The following CCT2 variants were observed in gnomAD, a reference collection of about 807,000 sequenced individuals.
CCT2 encodes the protein T-complex protein 1 subunit beta.
In CCT2, 18 loss-of-function variants were observed where a neutral mutation model predicts 61.8. That is an observed-to-expected ratio of 0.29 (90% CI 0.20 to 0.43). CCT2 has a LOEUF of 0.43. CCT2 is among the 20% of genes least tolerant of loss of function. CCT2 has a pLI of 1.00. For synonymous variants in CCT2, 248 were observed against 215.9 expected, an observed-to-expected ratio of 1.15 and a Z score of -1.30; for missense variants, 556 against 656.9, an observed-to-expected ratio of 0.85 and a Z score of 1.68.
intron 15 of CCT2, among the ~76,000 whole-genome samples, chr12:69,600,538 G>T (rs1882118730): frequency 1.3e-5 from 2 of 152,092 alleles, no homozygotes; most frequent in South Asian, 4.1e-4. Context: ...CAGCCTTCCA[G>T]ACCTACCAGA....
intron 10 of CCT2, among the ~76,000 whole-genome samples, chr12:69,595,881 A>G (rs116388425): frequency 6.6e-6 from 1 of 152,332 alleles, no homozygotes; most frequent in African/African-American, 2.4e-5. Context: ...TCAAAGGTGT[A>G]TGATGACATT....
At chr12:69,590,774 C>T (rs1881812769) in intron 7 of CCT2, among the ~76,000 whole-genome samples, 1 of 148,734 alleles carries the variant, frequency 6.7e-6, no homozygotes, top group Non-Finnish European at 1.5e-5. Flanking sequence ...TGGAGTGCAG[C>T]AGTATGATCT....
chr12:69,587,401 A>G (rs941243451), intron 3 of CCT2, 104 bp from the exon 4 acceptor site: 5 of 651,884 alleles, frequency 7.7e-6, no homozygotes, highest in Non-Finnish European at 1.3e-5. Context: ...CAAAATAGCT[A>G]TCCAGAGTGT....
chr12:69,599,890 T>G lies in CCT2; in HGVS notation c.1463T>G (p.Met488Arg). 6.2e-7 allele frequency: 1 copy of G among 1,613,630 alleles called. No individual in the cohort carries two copies. The highest frequency in any genetic ancestry group is 8.5e-7 in the Non-Finnish European group (1 of 1,179,694). ...ATGAGGGAAGGCACCATTGGAGATATGGCTATCCTGGGTATAACAGAAAGT... is the reference window on the plus strand; with the variant it reads ...ATGAGGGAAGGCACCATTGGAGATAGGGCTATCCTGGGTATAACAGAAAGT... ...LDMREGTIGD[M>R]AILGITESFQ... Residue 488 changes from methionine (M) to arginine (R), a missense_variant, in exon 15 of 16, where the codon ATG becomes AGG. Physicochemically the swap from Met to Arg is moderately conservative, Grantham distance 91. Transcript: ENST00000299300.
intron 6 of CCT2, among the ~76,000 whole-genome samples, chr12:69,588,853 C>T (rs755391147): frequency 1.3e-5 from 2 of 152,222 alleles, no homozygotes; most frequent in Non-Finnish European, 2.9e-5. Flanking sequence ...GGTCCGGGAC[C>T]ACTGTTTTAA....
chr12:69,598,250 T>G (rs913023904), intron 13 of CCT2, 72 bp from the exon 14 acceptor site: 1 of 1,180,340 alleles, frequency 8.5e-7, no homozygotes, highest in African/African-American at 1.5e-5. Flanking sequence ...TTTAAAAAGC[T>G]ATCCTAGTTA....
Position 69,593,067 on chromosome 12 carries a change from G to A in CCT2, c.842G>A (p.Arg281His), listed in dbSNP as rs1396967425. 1.1e-5 allele frequency: 17 copies of A among 1,613,118 alleles called. No individual in the cohort carries two copies. Among genetic ancestry groups the A allele is most frequent in the African/African-American group, 1.3e-5 (1 of 74,904 alleles). Reference sequence around the variant, plus strand: ...GAAAAAATGAAGGAGAAAGTTGAACGTATTCTTAAGCATGGAATAAATTGC... The same window carrying A: ...GAAAAAATGAAGGAGAAAGTTGAACATATTCTTAAGCATGGAATAAATTGC... The part of the protein sequence containing the change: ...EKEKMKEKVE[R>H]ILKHGINCFI... Residue 281 changes from arginine (R) to histidine (H), a missense_variant, in exon 9 of 16, where the codon CGT (arginine) becomes CAT (histidine). By Grantham distance (29) the Arg-to-His change is conservative. Around this residue, in one of 3 missense-constraint regions of CCT2, gnomAD observed 308 missense variants for 350.6 expected, o/e 0.88. Transcript: ENST00000299300.
Position 69,592,064 on chromosome 12 carries a change from C to T in CCT2, c.655C>T (p.Leu219=), listed in dbSNP as rs1249067181. 7 of 1,564,526 alleles carry T rather than the reference C, an allele frequency of 4.5e-6. No individual in the cohort carries two copies. In the East Asian group the frequency reaches 1.6e-4, roughly 35 times the overall value. The change falls in exon 8 of 16, where the codon CTG becomes TTG. Residue 219 remains leucine, a synonymous_variant. Transcript: ENST00000299300. Reference sequence around the variant, plus strand: ...TGTTCTTATATTTATTGTAGGCTTCCTGTTGGATAAAAAAATTGGAGTAAA... The same window carrying T: ...TGTTCTTATATTTATTGTAGGCTTCTTGTTGGATAAAAAAATTGGAGTAAA... The part of the protein sequence containing the change: ...LADSYLDEGF[L]LDKKIGVNQP...
intron 3 of CCT2, chr12:69,587,107 T>C: frequency 2.9e-6 from 1 of 344,284 alleles, no homozygotes; most frequent in Non-Finnish European, 5.2e-6. Context: ...CATACTGTTT[T>C]ATAAAACAGA....
At chr12:69,598,201 T>A in intron 13 of CCT2, 121 bp from the exon 14 acceptor site, 1 of 978,966 alleles carries the variant, frequency 1.0e-6, no homozygotes, top group Non-Finnish European at 1.5e-6. Flanking sequence ...TCGTGAGCAG[T>A]AACTGAAGCA....
At chr12:69,585,676 T>G (rs997435319) in intron 1 of CCT2, 152 bp downstream of exon 1, 3 of 1,518,328 alleles carry the variant, frequency 2.0e-6, no homozygotes, top group Admixed American at 4.1e-5. Context: ...GCGTGCGGCC[T>G]GCGCCAGGCC....
chr12:69,597,225 A>T lies in CCT2; in HGVS notation c.1052A>T (p.Glu351Val). ...VKLGSCKLIE[E>V]VMIGEDKLIH... is the part of the protein sequence containing the mutation. The stretch of plus-strand genomic sequence containing the variant: ...CTTGGAAGTTGCAAACTTATCGAGG[A>T]AGTCATGATTGGAGAAGACAAACTC... Residue 351 changes from glutamate (E) to valine (V), a missense_variant, in exon 11 of 16, where the codon GAA (glutamate) becomes GTA (valine). Coordinates refer to ENST00000299300, the MANE Select transcript of CCT2 (RefSeq NM_006431.3). The T allele has an allele frequency of 1.9e-6, 3 of 1,614,036 alleles. No homozygotes were observed. The highest frequency in any genetic ancestry group is 2.5e-6 in the Non-Finnish European group (3 of 1,179,916).
In CCT2 at chr12:69,599,955, G is replaced by A. The variant is rs778913899; in HGVS notation, c.1528G>A (p.Ala510Thr). ...KRQVLLSAAE[A>T]AEVILRVDNI... Reference sequence around the variant, plus strand: ...ACAGGTTCTTCTGAGTGCAGCTGAAGCAGCAGAGGTGATTCTGCGTGTGGA... The same window carrying A: ...ACAGGTTCTTCTGAGTGCAGCTGAAACAGCAGAGGTGATTCTGCGTGTGGA... The change falls in exon 15 of 16, where the codon GCA becomes ACA. Residue 510 changes from alanine to threonine, a missense_variant. Coordinates refer to ENST00000299300, the MANE Select transcript of CCT2 (RefSeq NM_006431.3). 1.2e-6 allele frequency: 2 copies of A among 1,613,878 alleles called. No individual in the cohort carries two copies. The highest frequency in any genetic ancestry group is 2.2e-5 in the South Asian group (2 of 91,044).
At position 69,598,347 on chromosome 12, in the gene CCT2, C is replaced by A; in HGVS notation, c.1361C>A (p.Ala454Glu). The A allele has an allele frequency of 1.3e-6, 2 of 1,592,546 alleles. No homozygotes were observed. Among genetic ancestry groups the A allele is most frequent in the African/African-American group, 1.3e-5 (1 of 74,074 alleles). Residue 454 changes from alanine to glutamate, a missense_variant, in exon 14 of 16, where the codon GCA (alanine) becomes GAA (glutamate). Physicochemically the swap from Ala to Glu is moderately radical, Grantham distance 107 (BLOSUM62 -1). Coordinates refer to ENST00000299300, the MANE Select transcript of CCT2 (RefSeq NM_006431.3). ...RMLPTIIADN[A>E]GYDSADLVAQ... Reference sequence around the variant, plus strand: ...TTGCCAACCATCATAGCTGACAATGCAGGCTATGACAGTGCAGACCTGGTG... The same window carrying A: ...TTGCCAACCATCATAGCTGACAATGAAGGCTATGACAGTGCAGACCTGGTG...
intron 6 of CCT2, 47 bp downstream of exon 6, chr12:69,588,309 A>T (rs770712553): frequency 3.7e-6 from 5 of 1,334,980 alleles, no homozygotes; most frequent in Non-Finnish European, 4.3e-6. Flanking sequence ...GTGTTCTTTC[A>T]TAACATGCTT....
rs1231508195 is a variant in CCT2, at chr12:69,599,843, A to G, written c.1436-20A>G. ...ACTTTAGTTAAAACTGCTTTTTAGTAAATTTGTTTTTCTTTGCAGATATGA... is the reference window on the plus strand; with the variant it reads ...ACTTTAGTTAAAACTGCTTTTTAGTGAATTTGTTTTTCTTTGCAGATATGA... On this transcript the variant is annotated intron_variant, in intron 14 of 15. Coordinates refer to ENST00000299300, the MANE Select transcript of CCT2 (RefSeq NM_006431.3). 4 of 1,589,094 alleles carry G rather than the reference A, an allele frequency of 2.5e-6. No individual in the cohort carries two copies. Among genetic ancestry groups the G allele is most frequent in the Non-Finnish European group, 2.6e-6 (3 of 1,169,238 alleles).
chr12:69,587,664 A>T, intron 4 of CCT2, 48 bp downstream of exon 4: 1 of 1,203,146 alleles, frequency 8.3e-7, no homozygotes, highest in African/African-American at 1.5e-5. Flanking sequence ...CTGTTTGTTA[A>T]CATTTTTGAA....
Position 69,586,302 on chromosome 12 carries a change from T to C in CCT2, c.36T>C (p.Phe12=), listed in dbSNP as rs111309939. The C allele has an allele frequency of 1.8e-3, 2,904 of 1,613,736 alleles. 11 individuals are homozygous for C. The highest frequency in any genetic ancestry group is 2.1e-3 in the Non-Finnish European group (2,505 of 1,179,616). ...ASLSLAPVNI[F]KAGADEERAE... is the part of the protein sequence containing the mutation. Reference sequence around the variant, plus strand: ...TTTCCCTTGCACCTGTTAACATCTTTAAGGCAGGAGCTGATGAAGAGAGAG... The same window carrying C: ...TTTCCCTTGCACCTGTTAACATCTTCAAGGCAGGAGCTGATGAAGAGAGAG... The change falls in exon 2 of 16, where the codon TTT becomes TTC. Residue 12 remains phenylalanine (F), a synonymous_variant. Coordinates refer to ENST00000299300, the MANE Select transcript of CCT2 (RefSeq NM_006431.3).
chr12:69,589,437 T>G, intron 6 of CCT2, 48 bp from the exon 7 acceptor site: 1 of 1,410,076 alleles, frequency 7.1e-7, no homozygotes, highest in Non-Finnish European at 1.0e-6. Context: ...AGATAAATTT[T>G]GAAAAGTAAA....
Sources: allele counts gnomAD v4.1 joint callset (sites outside exome capture counted in the v4.1 genomes callset), GRCh38; gene constraint gnomAD v4.1.1; regional missense constraint gnomAD v4.1.1; transcripts MANE v1.5; gene names NCBI Gene and HGNC (gene_info 2026-07-23, HGNC 2026-07-21).